RXRA: variants seen among roughly 807,000 people sequenced by gnomAD.
RXRA encodes the protein retinoid X receptor alpha, also known as retinoic acid receptor RXR-alpha.
Under a neutral mutation model 44.5 loss-of-function variants are expected in RXRA, and 5 were observed. The observed-to-expected ratio is 0.11, with a 90% CI of 0.06 to 0.24. RXRA has a LOEUF of 0.24. Ranked by LOEUF, RXRA falls within the 10% of genes least tolerant of loss-of-function variation. RXRA has a pLI of 1.00. For synonymous variants in RXRA, 291 were observed against 271.4 expected, an observed-to-expected ratio of 1.07 and a Z score of -0.71; for missense variants, 412 against 646.5, an observed-to-expected ratio of 0.64 and a Z score of 3.93.
intron 1 of RXRA, among the ~76,000 whole-genome samples, chr9:134,337,264 C>A (rs2119019351): frequency 6.6e-6 from 1 of 152,284 alleles, no homozygotes; most frequent in East Asian, 1.9e-4. Flanking sequence ...CAAGGCCAGC[C>A]ACGAGGGAAG....
chr9:134,430,279 G>A (rs1463070142), intron 7 of RXRA, among the ~76,000 whole-genome samples: 1 of 152,250 alleles, frequency 6.6e-6, no homozygotes, highest in Non-Finnish European at 1.5e-5. Flanking sequence ...GGAGCGGGAA[G>A]GCTGGGGAGG....
intron 1 of RXRA, among the ~76,000 whole-genome samples, chr9:134,333,361 C>T (rs1335000333): frequency 6.6e-6 from 1 of 152,170 alleles, no homozygotes; most frequent in Non-Finnish European, 1.5e-5. Flanking sequence ...GAGGCCGTGC[C>T]TGGCCTCCCC....
chr9:134,392,699 T>G (rs1267990579), intron 1 of RXRA, among the ~76,000 whole-genome samples: 2 of 152,198 alleles, frequency 1.3e-5, no homozygotes, highest in Non-Finnish European at 2.9e-5. Flanking sequence ...GGGTGCTTCC[T>G]GGTAAAATCA....
chr9:134,348,282 T>C (rs66670744), intron 1 of RXRA, among the ~76,000 whole-genome samples: 19,374 of 152,114 alleles, frequency 0.13, 1,464 homozygotes, highest in African/African-American at 0.21. Flanking sequence ...CCAGGGTCTG[T>C]GGTTGGAGCT....
chr9:134,395,106 C>T (rs369906163), intron 1 of RXRA, among the ~76,000 whole-genome samples: 7 of 152,196 alleles, frequency 4.6e-5, no homozygotes, highest in African/African-American at 1.2e-4. Flanking sequence ...GCTGGGACAC[C>T]GTGGGCTCTC....
chr9:134,329,465 T>C (rs941051058), intron 1 of RXRA, among the ~76,000 whole-genome samples: 1 of 152,222 alleles, frequency 6.6e-6, no homozygotes, highest in Non-Finnish European at 1.5e-5. Flanking sequence ...ATGGTGGCCC[T>C]GGCTTGCTAG....
chr9:134,430,638 G>T (rs1831517419), intron 7 of RXRA, among the ~76,000 whole-genome samples: 1 of 88,918 alleles, frequency 1.1e-5, no homozygotes, highest in African/African-American at 3.0e-5. Flanking sequence ...GTGTACAGGA[G>T]GGTCCCCACG....
intron 1 of RXRA, among the ~76,000 whole-genome samples, chr9:134,388,151 T>C (rs1030218598): frequency 2.7e-5 from 4 of 149,654 alleles, no homozygotes; most frequent in African/African-American, 9.7e-5. Flanking sequence ...GGTTTGAGTT[T>C]GTATTAAGTT....
intron 1 of RXRA, among the ~76,000 whole-genome samples, chr9:134,373,040 G>A (rs576230086): frequency 6.6e-5 from 10 of 152,328 alleles, no homozygotes; most frequent in African/African-American, 2.2e-4. Context: ...CGTCTGCCCC[G>A]GGTTCGTCAG....
rs981691269 is a variant in RXRA, at chr9:134,439,807, A to G, written c.*3193A>G. On this transcript the variant is annotated 3_prime_UTR_variant, in exon 10 of 10. Coordinates refer to ENST00000481739, the MANE Select transcript of RXRA (RefSeq NM_002957.6). ...ACCCAGGAAAGGCGGAGCGGTTACCAGTGTTTTGTGTTTATTTTTAATCAA... is the reference window on the plus strand; with the variant it reads ...ACCCAGGAAAGGCGGAGCGGTTACCGGTGTTTTGTGTTTATTTTTAATCAA... 9.2e-5 allele frequency: 14 copies of G among 152,252 alleles called. No homozygotes were observed. The highest frequency in any genetic ancestry group is 2.4e-4 in the African/African-American group (10 of 41,456). The allele number at this position is 152,252 out of a possible 1,614,324, so 9.4% of individuals were successfully genotyped here. A position where few individuals can be genotyped will look rare whatever the true frequency, so the allele number is the denominator to read the frequency against.
At position 134,342,244 on chromosome 9, in the gene RXRA, C is replaced by T. The variant is rs1386091008; in HGVS notation, c.28+15585C>T. ...CAGAGTGAGGGCAGGGGCGGGGGTC[C>T]GGGTCGAGGACTAGCAAGCCACAGT... On this transcript the variant is annotated intron_variant, in intron 1 of 9. Transcript: ENST00000481739. The surrounding 1 kb of genome is among the most constrained non-coding windows in gnomAD (Gnocchi z 4.4). Among the ~76,000 whole-genome samples the T allele has an allele frequency of 2.0e-5, 3 of 152,046 alleles. No individual in the cohort carries two copies. Among genetic ancestry groups the T allele is most frequent in the Non-Finnish European group, 2.9e-5 (2 of 67,988 alleles).
At chr9:134,391,046 A>G (rs1225746779) in intron 1 of RXRA, among the ~76,000 whole-genome samples, 2 of 152,014 alleles carry the variant, frequency 1.3e-5, no homozygotes, top group African/African-American at 4.8e-5. Context: ...CCCGGTGGCC[A>G]TGCCCTGCCT....
intron 1 of RXRA, among the ~76,000 whole-genome samples, chr9:134,375,951 CCTCT>C (rs796803467): frequency 0.023 from 3,402 of 144,824 alleles, 160 homozygotes; most frequent in African/African-American, 0.084. Flanking sequence ...TCCCTCCCTC[CCTCT>C]CTCTCTCTGC....
chr9:134,399,323 C>G (rs1412749815), intron 1 of RXRA, among the ~76,000 whole-genome samples: 1 of 152,222 alleles, frequency 6.6e-6, no homozygotes, highest in African/African-American at 2.4e-5. Flanking sequence ...CACACCTTCT[C>G]TATGCCTCAG....
At position 134,341,318 on chromosome 9, in the gene RXRA, T is replaced by C. The variant is rs75662413; in HGVS notation, c.28+14659T>C. On this transcript the variant is annotated intron_variant, in intron 1 of 9. Coordinates refer to ENST00000481739, the MANE Select transcript of RXRA (RefSeq NM_002957.6). Reference sequence around the variant, plus strand: ...GGATTTGAACCCAGATTCTTGGGACTCTTCTTTGAGCCACTTCCAGCCTGG... The same window carrying C: ...GGATTTGAACCCAGATTCTTGGGACCCTTCTTTGAGCCACTTCCAGCCTGG... Among the ~76,000 whole-genome samples, 115 of 152,160 alleles carry C rather than the reference T, an allele frequency of 7.6e-4. 3 individuals are homozygous for C. The East Asian group carries it at 0.019, about 25-fold the overall frequency.
At chr9:134,361,702 C>T (rs1017967628) in intron 1 of RXRA, among the ~76,000 whole-genome samples, 3 of 152,304 alleles carry the variant, frequency 2.0e-5, no homozygotes, top group Non-Finnish European at 2.9e-5. Flanking sequence ...TGATTAACAT[C>T]GGAGGGACTC....
intron 1 of RXRA, among the ~76,000 whole-genome samples, chr9:134,363,241 A>C (rs1367094806): frequency 6.6e-6 from 1 of 152,040 alleles, no homozygotes; most frequent in Non-Finnish European, 1.5e-5. Context: ...GCCACGGGCG[A>C]GGGGGTGGGG....
At chr9:134,388,556 G>C (rs1039718541) in intron 1 of RXRA, among the ~76,000 whole-genome samples, 6 of 152,164 alleles carry the variant, frequency 3.9e-5, no homozygotes, top group African/African-American at 1.4e-4. Flanking sequence ...CTGACTGCTT[G>C]TCCTCTGGGG....
chr9:134,428,759 C>A (rs1588307922), intron 6 of RXRA, among the ~76,000 whole-genome samples: 1 of 152,324 alleles, frequency 6.6e-6, no homozygotes, highest in South Asian at 2.1e-4. Context: ...GGTTCTGGGG[C>A]CATCCTGGGA....
Sources: allele counts gnomAD v4.1 joint callset (sites outside exome capture counted in the v4.1 genomes callset), GRCh38; gene constraint gnomAD v4.1.1; non-coding constraint Gnocchi (gnomAD v3.1); transcripts MANE v1.5; gene names NCBI Gene and HGNC (gene_info 2026-07-23, HGNC 2026-07-21).